Variants in RERE observed in about 807,000 individuals in gnomAD.
RERE encodes arginine-glutamic acid dipeptide repeats.
RERE carries 40 observed loss-of-function variants against 146.1 expected under a neutral mutation model. The observed-to-expected ratio is 0.27, with a 90% CI of 0.21 to 0.36. The LOEUF (loss-of-function observed/expected upper bound fraction) is 0.36, where lower values mean the gene tolerates loss of function less well. RERE is among the 10% of genes least tolerant of loss of function. The probability of loss-of-function intolerance (pLI) is 1.00; values close to 1 mark genes in which losing one functional copy is unlikely to be tolerated. For missense variants in RERE, 1,933 were observed against 2,138.7 expected (o/e 0.90, Z 1.90); for synonymous variants, 1,003 against 866.0 (o/e 1.16, Z -2.78).
At chr1:8,597,094 T>C (rs1422929984) in intron 4 of RERE, among the ~76,000 whole-genome samples, 2 of 151,492 alleles carry the variant, frequency 1.3e-5, no homozygotes, top group Admixed American at 6.6e-5. Context: ...ATGCTGATTT[T>C]TTTTTTTTTT....
chr1:8,709,422 T>C (rs1041450220), intron 1 of RERE, among the ~76,000 whole-genome samples: 4 of 152,150 alleles, frequency 2.6e-5, no homozygotes, highest in Non-Finnish European at 4.4e-5. Flanking sequence ...CCAGCTCCCT[T>C]GTAGATTTTT....
intron 11 of RERE, among the ~76,000 whole-genome samples, chr1:8,460,691 G>A (rs1644514581): frequency 6.6e-6 from 1 of 152,174 alleles, no homozygotes; most frequent in Non-Finnish European, 1.5e-5. Flanking sequence ...TACCCAAGAT[G>A]AAATAAAAAC....
intron 12 of RERE, among the ~76,000 whole-genome samples, chr1:8,416,366 A>G (rs112446498): frequency 6.6e-6 from 1 of 152,262 alleles, no homozygotes; most frequent in Admixed American, 6.5e-5. Context: ...CGGGCGGATC[A>G]CAAGGTCAGG....
intron 4 of RERE, among the ~76,000 whole-genome samples, chr1:8,563,184 A>C (rs1371393855): frequency 6.6e-6 from 1 of 152,246 alleles, no homozygotes; most frequent in Non-Finnish European, 1.5e-5. Flanking sequence ...GAGATCTTTC[A>C]TGATTATTAA....
rs774990070 is a variant in RERE, at chr1:8,360,260, C to G, written c.3247G>C (p.Gly1083Arg). The G allele has an allele frequency of 6.4e-7, 1 of 1,573,820 alleles. No individual in the cohort carries two copies. Among genetic ancestry groups the G allele is most frequent in the Admixed American group, 1.8e-5 (1 of 55,470 alleles). The change falls in exon 18 of 23, where the codon GGG (glycine) becomes CGG (arginine). Residue 1083 changes from glycine to arginine, a missense_variant. This residue lies in a region of RERE where 1,255 missense variants were observed against 1,153.8 expected (regional missense o/e 1.09). Transcript: ENST00000400908. The part of the protein sequence containing the change: ...AAASGGSIAG[G>R]SSCPLPTVQI... ...ACGGTGGGGAGTGGGCAGGACGACC[C>G]CCCCGCTATGCTGCCTCCTGAAGCC...
intron 4 of RERE, among the ~76,000 whole-genome samples, chr1:8,560,591 C>T (rs191034310): frequency 6.8e-4 from 103 of 152,176 alleles, no homozygotes; most frequent in African/African-American, 2.3e-3. Flanking sequence ...CCAATCTCCC[C>T]TTTTCTGTAA....
chr1:8,412,958 AT>A (rs1047928803), intron 12 of RERE, among the ~76,000 whole-genome samples: 3 of 151,722 alleles, frequency 2.0e-5, no homozygotes, highest in Non-Finnish European at 4.4e-5. Context: ...CTGTTGATGG[AT>A]TTTTTTTTCC....
At chr1:8,625,546 T>TC (rs1646964541) in intron 2 of RERE, among the ~76,000 whole-genome samples, 1 of 152,104 alleles carries the variant, frequency 6.6e-6, no homozygotes, top group African/African-American at 2.4e-5. Flanking sequence ...GCTGAAGCTA[T>TC]CCCCCTGCCT....
chr1:8,643,671 A>G (rs1245198916), intron 2 of RERE, among the ~76,000 whole-genome samples: 1 of 152,232 alleles, frequency 6.6e-6, no homozygotes, highest in Non-Finnish European at 1.5e-5. Context: ...GCTGGCTTGA[A>G]GGCACCAAAA....
Position 8,379,492 on chromosome 1 carries a change from G to C in RERE, c.1285-13518C>G, listed in dbSNP as rs72864298. Among the ~76,000 whole-genome samples the C allele has an allele frequency of 1.9e-3, 288 of 152,326 alleles. 3 individuals are homozygous for C. Among genetic ancestry groups the C allele is most frequent in the African/African-American group, 6.4e-3 (266 of 41,576 alleles). ...AAAACACACACAACGGGAACCACCA[G>C]GGGTTCGGGTGTAATTTATGAAAAC... On this transcript the variant is annotated intron_variant, in intron 12 of 22. Transcript: ENST00000400908.
intron 12 of RERE, among the ~76,000 whole-genome samples, chr1:8,418,439 A>G (rs1279974524): frequency 6.6e-6 from 1 of 152,232 alleles, no homozygotes; most frequent in East Asian, 1.9e-4. Flanking sequence ...GCTGGGGTAG[A>G]TCACATTGTC....
chr1:8,542,804 C>T (rs1317400104), intron 6 of RERE, among the ~76,000 whole-genome samples: 2 of 152,162 alleles, frequency 1.3e-5, no homozygotes, highest in Non-Finnish European at 2.9e-5. Flanking sequence ...CTGCACCCAG[C>T]CCCCATCTCC....
At chr1:8,371,623 C>T (rs1016333443) in intron 12 of RERE, among the ~76,000 whole-genome samples, 4 of 152,188 alleles carry the variant, frequency 2.6e-5, no homozygotes, top group Non-Finnish European at 5.9e-5. Flanking sequence ...CCTCCTCAGC[C>T]ACCACTTTAT....
intron 11 of RERE, among the ~76,000 whole-genome samples, chr1:8,428,779 A>G (rs963327249): frequency 2.0e-5 from 3 of 152,248 alleles, no homozygotes; most frequent in African/African-American, 7.2e-5. Flanking sequence ...AGAAACAGCT[A>G]TATTGGAATA....
intron 12 of RERE, among the ~76,000 whole-genome samples, chr1:8,418,162 T>G (rs1025005732): frequency 6.6e-6 from 1 of 152,204 alleles, no homozygotes; most frequent in Non-Finnish European, 1.5e-5. Context: ...CCCATTGCAG[T>G]GCTCAGTGGG....
At chr1:8,669,275 T>G (rs1638658888) in intron 1 of RERE, among the ~76,000 whole-genome samples, 2 of 152,030 alleles carry the variant, frequency 1.3e-5, no homozygotes, top group South Asian at 4.1e-4. Context: ...GGGGTTTCAC[T>G]GTGTTGCCCA....
intron 6 of RERE, among the ~76,000 whole-genome samples, chr1:8,552,000 A>G (rs1376719851): frequency 6.6e-6 from 1 of 152,246 alleles, no homozygotes; most frequent in Non-Finnish European, 1.5e-5. Flanking sequence ...CAGCAGCTGT[A>G]GAAACTTACC....
In RERE at chr1:8,814,413, C is replaced by CT. The variant is rs1641872150; in HGVS notation, c.-145+2746dup. On this transcript the variant is annotated intron_variant, in intron 1 of 22. Coordinates refer to ENST00000400908, the MANE Select transcript of RERE (RefSeq NM_001042681.2). ...AGCCTTTGGGCAACAATTTGACCCTCTTCTATGATAATTTGTGTACACACT... is the reference window on the plus strand; with the variant it reads ...AGCCTTTGGGCAACAATTTGACCCTCTTTCTATGATAATTTGTGTACACACT... Among the ~76,000 whole-genome samples, 4 of 152,220 alleles carry CT rather than the reference C, an allele frequency of 2.6e-5. No individual in the cohort carries two copies. In the South Asian group the frequency reaches 8.3e-4, roughly 32 times the overall value.
intron 1 of RERE, among the ~76,000 whole-genome samples, chr1:8,695,438 T>C (rs973319570): frequency 6.6e-6 from 1 of 151,828 alleles, no homozygotes. Flanking sequence ...CTAAAGAGCT[T>C]CTGCACAGCA....
Sources: gnomAD v4.1 joint callset for allele counts (sites outside exome capture counted in the v4.1 genomes callset) on GRCh38, gnomAD v4.1.1 for gene constraint, gnomAD v4.1.1 regional missense constraint, MANE v1.5 for transcripts, NCBI Gene and HGNC (gene_info 2026-07-23, HGNC 2026-07-21) for gene names.